The following POMK variants were observed in gnomAD, a reference collection of about 807,000 sequenced individuals.
POMK encodes Sugen kinase 196.
A neutral mutation model predicts 23.0 loss-of-function variants in POMK; 19 were observed. That is an observed-to-expected ratio of 0.83 (90% CI 0.58 to 1.21). The LOEUF (loss-of-function observed/expected upper bound fraction) is 1.21. Ranked by LOEUF, POMK falls within the 50% of genes most tolerant of loss-of-function variation. POMK has a pLI of 0.00. For missense variants in POMK, 410 were observed against 431.3 expected, an observed-to-expected ratio of 0.95 and a Z score of 0.44; for synonymous variants, 173 against 171.6, an observed-to-expected ratio of 1.01 and a Z score of -0.06.
chr8:43,108,356 C>A (rs1811585704), intron 4 of POMK, among the ~76,000 whole-genome samples: 1 of 152,190 alleles, frequency 6.6e-6, no homozygotes, highest in Non-Finnish European at 1.5e-5. Flanking sequence ...TCAATAGTGT[C>A]CTGTTACAAA....
chr8:43,107,766 C>T lies in POMK; in HGVS notation c.282+3936C>T, dbSNP rs149222694. Reference sequence around the variant, plus strand: ...TGTGATTGTGGCTTACTGCAACCTCCGCCTCCCGGGTTCAAGCAATTCTTC... The same window carrying T: ...TGTGATTGTGGCTTACTGCAACCTCTGCCTCCCGGGTTCAAGCAATTCTTC... On this transcript the variant is annotated intron_variant, in intron 4 of 4. Transcript: ENST00000331373. Among the ~76,000 whole-genome samples, 534 of 152,054 alleles carry T rather than the reference C, an allele frequency of 3.5e-3. 4 individuals are homozygous for T. The highest frequency in any genetic ancestry group is 0.012 in the African/African-American group (490 of 41,462).
chr8:43,122,847 C>T lies in POMK; in HGVS notation c.1023C>T (p.Ala341=), dbSNP rs777058315. ...YQKVLDTLRD[A]MMSQAREML ...AGGTCTTGGATACACTTAGAGATGC[C>T]ATGATGTCTCAGGCAAGAGAGATGC... The change falls in exon 5 of 5, where the codon GCC becomes GCT. Residue 341 remains alanine, a synonymous_variant. Coordinates refer to ENST00000331373, the MANE Select transcript of POMK (RefSeq NM_032237.5). 3.1e-6 allele frequency: 5 copies of T among 1,612,446 alleles called. No individual in the cohort carries two copies. Among genetic ancestry groups the T allele is most frequent in the Non-Finnish European group, 3.4e-6 (4 of 1,179,690 alleles).
At chr8:43,106,571 A>G (rs1036505343) in intron 4 of POMK, among the ~76,000 whole-genome samples, 3 of 142,600 alleles carry the variant, frequency 2.1e-5, no homozygotes, top group African/African-American at 8.0e-5. Context: ...GTGCTGTGAC[A>G]TGATCTTGGC....
rs1811358538 is a variant in POMK, at chr8:43,097,513, A to C, written c.-209-11A>C. 1 of 151,920 alleles carries C rather than the reference A, an allele frequency of 6.6e-6. No individual in the cohort carries two copies. 9.4% of individuals were successfully genotyped at this position (151,920 alleles called of 1,614,324 possible). The stretch of plus-strand genomic sequence containing the variant: ...TGATTTTTTTTTTCTCTGTGTGTGA[A>C]ACACTTAAAGAAAAAGGATCCTGTT... On this transcript the variant is annotated splice_polypyrimidine_tract_variant and intron_variant, in intron 1 of 4. Coordinates refer to ENST00000331373, the MANE Select transcript of POMK (RefSeq NM_032237.5).
At chr8:43,108,912 A>C (rs1478074169) in intron 4 of POMK, among the ~76,000 whole-genome samples, 1 of 152,266 alleles carries the variant, frequency 6.6e-6, no homozygotes, top group Admixed American at 6.5e-5. Context: ...GTTATTACTG[A>C]TGACATATAC....
chr8:43,116,112 A>G (rs1370030052), intron 4 of POMK, among the ~76,000 whole-genome samples: 2 of 152,220 alleles, frequency 1.3e-5, no homozygotes, highest in Admixed American at 1.3e-4. Context: ...TTCTCTTTCC[A>G]ATATACTTTA....
At chr8:43,111,473 C>T (rs199854183) in intron 4 of POMK, among the ~76,000 whole-genome samples, 17 of 152,186 alleles carry the variant, frequency 1.1e-4, no homozygotes, top group African/African-American at 1.7e-4. Context: ...CCTGCCTGCC[C>T]CTATAGGCTC....
At chr8:43,118,729 T>C (rs1811850883) in intron 4 of POMK, among the ~76,000 whole-genome samples, 1 of 152,218 alleles carries the variant, frequency 6.6e-6, no homozygotes, top group African/African-American at 2.4e-5. Flanking sequence ...TTCATTTATC[T>C]GAAACAAAAA....
intron 4 of POMK, 136 bp downstream of exon 4, chr8:43,103,966 T>G (rs938092349): frequency 4.0e-5 from 35 of 866,192 alleles, no homozygotes; most frequent in Non-Finnish European, 5.8e-5. Context: ...ATTGCATATG[T>G]GCACCACATT....
intron 4 of POMK, among the ~76,000 whole-genome samples, chr8:43,121,639 C>G (rs569850423): frequency 2.0e-5 from 3 of 152,352 alleles, no homozygotes; most frequent in Admixed American, 6.5e-5. Context: ...ACCCACTTTT[C>G]CAGTCCACTC....
chr8:43,115,937 C>T (rs1811790024), intron 4 of POMK, among the ~76,000 whole-genome samples: 1 of 152,216 alleles, frequency 6.6e-6, no homozygotes, highest in African/African-American at 2.4e-5. Flanking sequence ...ACTCCAGGGC[C>T]CTTGGCCCTT....
chr8:43,111,233 C>T (rs1450008987), intron 4 of POMK, among the ~76,000 whole-genome samples: 1 of 152,206 alleles, frequency 6.6e-6, no homozygotes, highest in African/African-American at 2.4e-5. Flanking sequence ...TAATACTGCA[C>T]TTTTCCAGCG....
At chr8:43,120,239 T>A (rs1274369260) in intron 4 of POMK, among the ~76,000 whole-genome samples, 2 of 151,930 alleles carry the variant, frequency 1.3e-5, no homozygotes, top group African/African-American at 4.8e-5. Flanking sequence ...AGATGGAGTT[T>A]CACTCTTGTT....
rs145290945 is a variant in POMK at position 43,105,253 on chromosome 8, A to G, written c.282+1423A>G. Among the ~76,000 whole-genome samples, 1,216 of 152,286 alleles carry G rather than the reference A, an allele frequency of 8.0e-3. 17 individuals are homozygous for G. Among genetic ancestry groups the G allele is most frequent in the African/African-American group, 0.028 (1,143 of 41,554 alleles). ...ATATATTGTTAATTATAGTCATCCTATGGTGCTATGAAACACTGGAACTTG... is the reference window on the plus strand; with the variant it reads ...ATATATTGTTAATTATAGTCATCCTGTGGTGCTATGAAACACTGGAACTTG... On this transcript the variant is annotated intron_variant, in intron 4 of 4. Transcript: ENST00000331373.
At position 43,105,442 on chromosome 8, in the gene POMK, T is replaced by C. The variant is rs533866736; in HGVS notation, c.282+1612T>C. Among the ~76,000 whole-genome samples the C allele has an allele frequency of 4.6e-5, 7 of 152,376 alleles. No homozygotes were observed. The South Asian group carries it at 1.2e-3, about 27-fold the overall frequency. ...AATGAGAACTTGTAGTGTTTAACTT[T>C]CTGTTCCTAGTTTATTTCACGTAAC... On this transcript the variant is annotated intron_variant, in intron 4 of 4. Transcript: ENST00000331373.
chr8:43,109,759 T>G (rs1296364631), intron 4 of POMK, among the ~76,000 whole-genome samples: 1 of 152,200 alleles, frequency 6.6e-6, no homozygotes, highest in Non-Finnish European at 1.5e-5. Context: ...GCCAGGCTGG[T>G]CTCGAACTCT....
At chr8:43,104,702 T>G (rs1453651115) in intron 4 of POMK, among the ~76,000 whole-genome samples, 2 of 152,160 alleles carry the variant, frequency 1.3e-5, no homozygotes, top group Non-Finnish European at 2.9e-5. Context: ...CCCAGCACTT[T>G]GGGAGGCGGA....
chr8:43,116,283 TC>T (rs1031231009), intron 4 of POMK, among the ~76,000 whole-genome samples: 8 of 152,248 alleles, frequency 5.3e-5, no homozygotes, highest in Non-Finnish European at 1.2e-4. Context: ...ATATTCTTTT[TC>T]TTTTCAGAGA....
At chr8:43,107,820 A>G (rs1005894270) in intron 4 of POMK, among the ~76,000 whole-genome samples, 1 of 152,000 alleles carries the variant, frequency 6.6e-6, no homozygotes, top group Admixed American at 6.6e-5. Flanking sequence ...AGCTGGGACT[A>G]TAGGTGCACG....
Sources: gnomAD v4.1 joint callset for allele counts (sites outside exome capture counted in the v4.1 genomes callset) on GRCh38, gnomAD v4.1.1 for gene constraint, MANE v1.5 for transcripts, NCBI Gene and HGNC (gene_info 2026-07-23, HGNC 2026-07-21) for gene names.